The following NASP variants were observed in gnomAD, a reference collection of about 807,000 sequenced individuals.
The protein encoded by NASP is nuclear autoantigenic sperm protein.
Under a neutral mutation model 89.5 loss-of-function variants are expected in NASP, and 24 were observed. The ratio of observed to expected loss-of-function variants is 0.27; its 90% CI spans 0.19 to 0.38. The LOEUF (loss-of-function observed/expected upper bound fraction) is 0.38. Among genes scored for constraint, NASP ranks in the 10% least tolerant of loss-of-function variants. The pLI is 1.00. For missense variants in NASP, 848 were observed against 921.4 expected (o/e 0.92, Z 1.03); for synonymous variants, 306 against 324.7 (o/e 0.94, Z 0.62).
Position 45,607,342 on chromosome 1 carries a change from G to C in NASP, c.431G>C (p.Arg144Thr). Reference protein sequence around the residue: ...NIDEEAREELREQVYDAMGEK... With the variant: ...NIDEEAREELTEQVYDAMGEK... ...GTAGAGGAAGCAAGGGAAGAGTTGA[G>C]AGAACAGGTTTATGACGCCATGGGA... The change falls in exon 6 of 15, where the codon AGA becomes ACA. Residue 144 changes from arginine (R) to threonine (T), a missense_variant. Arg to Thr is a moderately conservative substitution (Grantham distance 71). Transcript: ENST00000350030. The C allele has an allele frequency of 6.2e-7, 1 of 1,614,000 alleles. No individual in the cohort carries two copies. The highest frequency in any genetic ancestry group is 8.5e-7 in the Non-Finnish European group (1 of 1,179,934).
intron 5 of NASP, 166 bp from the exon 6 acceptor site, chr1:45,607,155 G>C (rs1643920478): frequency 2.9e-6 from 2 of 685,246 alleles, no homozygotes; most frequent in Non-Finnish European, 4.9e-6. Context: ...CTGCTAGCCG[G>C]GATGCTCCCT....
intron 3 of NASP, among the ~76,000 whole-genome samples, chr1:45,603,213 A>G (rs1643873169): frequency 1.3e-5 from 2 of 152,186 alleles, no homozygotes; most frequent in Non-Finnish European, 2.9e-5. Flanking sequence ...ATCTGAGAGA[A>G]AAAAAAGCAA....
chr1:45,596,741 C>T lies in NASP; in HGVS notation c.107+5471C>T, dbSNP rs564607121. 2.0e-5 allele frequency among the ~76,000 whole-genome samples: 3 copies of T among 152,266 alleles called. No individual in the cohort carries two copies. The South Asian group carries it at 6.2e-4, about 32-fold the overall frequency. On this transcript the variant is annotated intron_variant, in intron 2 of 14. Coordinates refer to ENST00000350030, the MANE Select transcript of NASP (RefSeq NM_002482.4). ...AGTGCTGTGGCTCACGCCTGCATCC[C>T]AGTACTTTGGGAGGCTGAGGCGAGA... is the stretch of plus-strand genomic sequence containing the variant.
At chr1:45,587,979 G>A (rs181612975) in intron 1 of NASP, among the ~76,000 whole-genome samples, 738 of 151,158 alleles carry the variant, frequency 4.9e-3, no homozygotes, top group Middle Eastern at 0.01. Flanking sequence ...TGTGGCTCAC[G>A]TGGTAATCCC....
intron 1 of NASP, among the ~76,000 whole-genome samples, chr1:45,590,549 CAAAAAAAAAAA>C (rs1036511604): frequency 1.7e-5 from 1 of 58,970 alleles, no homozygotes; most frequent in Non-Finnish European, 3.6e-5. Flanking sequence ...GACTCTGTCT[CAAAAAAAAAAA>C]AAAAAAAGAA....
intron 1 of NASP, among the ~76,000 whole-genome samples, chr1:45,584,974 G>C (rs576070903): frequency 6.6e-6 from 1 of 152,234 alleles, no homozygotes; most frequent in Non-Finnish European, 1.5e-5. Flanking sequence ...TGTCTGTTTG[G>C]GGGGAACATT....
At chr1:45,593,384 T>C (rs934044905) in intron 2 of NASP, among the ~76,000 whole-genome samples, 34 of 151,782 alleles carry the variant, frequency 2.2e-4, no homozygotes, top group African/African-American at 8.0e-4. Context: ...AATACAAAAA[T>C]TAGTTGAGCG....
intron 1 of NASP, among the ~76,000 whole-genome samples, chr1:45,587,515 CTG>C (rs963666655): frequency 2.0e-5 from 3 of 151,518 alleles, no homozygotes; most frequent in African/African-American, 7.3e-5. Context: ...CGTGTATGGT[CTG>C]TGTGTTTTGA....
intron 5 of NASP, 78 bp from the exon 6 acceptor site, chr1:45,607,243 T>C (rs772881546): frequency 7.0e-6 from 10 of 1,423,550 alleles, no homozygotes; most frequent in Non-Finnish European, 9.7e-6. Flanking sequence ...TTAAAGGGAA[T>C]GTATTTTTAG....
intron 2 of NASP, among the ~76,000 whole-genome samples, chr1:45,593,800 CATG>C (rs1643615351): frequency 6.6e-6 from 1 of 151,206 alleles, no homozygotes; most frequent in East Asian, 1.9e-4. Flanking sequence ...GAGAGGATCA[CATG>C]ACCCCAGGAG....
intron 3 of NASP, 106 bp from the exon 4 acceptor site, chr1:45,604,830 C>G: frequency 2.3e-6 from 2 of 861,700 alleles, no homozygotes; most frequent in Admixed American, 2.3e-5. Flanking sequence ...TATTGGTTTT[C>G]TAGGAGTATG....
intron 1 of NASP, among the ~76,000 whole-genome samples, chr1:45,586,309 G>GTGTGGTGTGTGT (rs1420228919): frequency 2.9e-5 from 4 of 135,990 alleles, no homozygotes; most frequent in African/African-American, 1.1e-4. Context: ...GTGTGTGTGT[G>GTGTGGTGTGTGT]GTGTGTGTGT....
At chr1:45,594,693 G>A (rs1342747299) in intron 2 of NASP, 2 of 455,058 alleles carry the variant, frequency 4.4e-6, no homozygotes, top group Non-Finnish European at 8.8e-6. Flanking sequence ...TTTGTTTTTA[G>A]AGATGAGGTT....
intron 1 of NASP, among the ~76,000 whole-genome samples, chr1:45,586,939 C>T (rs1644559346): frequency 1.3e-5 from 2 of 152,058 alleles, no homozygotes; most frequent in Non-Finnish European, 1.5e-5. Context: ...CTCAAGCAAT[C>T]CTTCCATCTC....
At chr1:45,590,549 CAAAAAAAA>C (rs1036511604) in intron 1 of NASP, among the ~76,000 whole-genome samples, 2 of 58,970 alleles carry the variant, frequency 3.4e-5, no homozygotes, top group Admixed American at 1.8e-4. Context: ...GACTCTGTCT[CAAAAAAAA>C]AAAAAAAAAA....
chr1:45,598,026 T>G (rs74888786), intron 2 of NASP, among the ~76,000 whole-genome samples: 106 of 152,320 alleles, frequency 7.0e-4, no homozygotes, highest in Middle Eastern at 3.4e-3. Flanking sequence ...TGAAGCTGCT[T>G]CAATCAAGTT....
At chr1:45,612,732 T>C (rs1363651905) in intron 6 of NASP, 1 of 153,786 alleles carries the variant, frequency 6.5e-6, no homozygotes, top group African/African-American at 2.4e-5. Flanking sequence ...TTGATCAGAA[T>C]GGACTGGAAT....
At chr1:45,615,525 G>A in intron 11 of NASP, 54 bp downstream of exon 11, 1 of 1,526,938 alleles carries the variant, frequency 6.5e-7, no homozygotes, top group African/African-American at 1.4e-5. Flanking sequence ...TTATGTTAAT[G>A]TTCTATTTGC....
At chr1:45,588,825 G>C (rs1371690390) in intron 1 of NASP, 1 of 257,440 alleles carries the variant, frequency 3.9e-6, no homozygotes, top group Non-Finnish European at 7.8e-6. Flanking sequence ...GCTGACGCAG[G>C]AGAATGGCGT....
Sources: allele counts gnomAD v4.1 joint callset (sites outside exome capture counted in the v4.1 genomes callset), GRCh38; gene constraint gnomAD v4.1.1; transcripts MANE v1.5; gene names NCBI Gene and HGNC (gene_info 2026-07-23, HGNC 2026-07-21).